The following RAB22A variants were observed in gnomAD, a reference collection of about 807,000 sequenced individuals.
RAB22A encodes the protein ras-related protein Rab-22A.
RAB22A carries 13 observed loss-of-function variants against 30.2 expected under a neutral mutation model. That is an observed-to-expected ratio of 0.43 (90% CI 0.28 to 0.68). RAB22A has a LOEUF of 0.68. Among genes scored for constraint, RAB22A ranks in the 30% least tolerant of loss-of-function variants. The probability of loss-of-function intolerance (pLI) is 0.18; values close to 1 mark genes in which losing one functional copy is unlikely to be tolerated. For missense variants in RAB22A, 177 were observed against 246.8 expected (o/e 0.72, Z 1.89); for synonymous variants, 89 against 87.2 (o/e 1.02, Z -0.11).
intron 2 of RAB22A, among the ~76,000 whole-genome samples, chr20:58,316,313 G>A (rs998864100): frequency 2.0e-5 from 3 of 151,972 alleles, no homozygotes; most frequent in African/African-American, 4.8e-5. Flanking sequence ...ACTTTGCTTC[G>A]GTCTCCTTCG....
chr20:58,349,173 A>G (rs889657208), intron 3 of RAB22A, among the ~76,000 whole-genome samples: 3 of 152,200 alleles, frequency 2.0e-5, no homozygotes, highest in African/African-American at 7.2e-5. Context: ...TAAAAATTAT[A>G]TATAAACTCC....
chr20:58,340,939 G>A (rs1235925618), intron 2 of RAB22A, among the ~76,000 whole-genome samples: 4 of 152,076 alleles, frequency 2.6e-5, no homozygotes, highest in Admixed American at 1.3e-4. Context: ...GTGGACACAG[G>A]GACAATTGAA....
At chr20:58,343,139 A>C (rs1986884993) in intron 2 of RAB22A, among the ~76,000 whole-genome samples, 1 of 152,152 alleles carries the variant, frequency 6.6e-6, no homozygotes. Flanking sequence ...TTTGTCGATG[A>C]AATGCAGGTG....
At chr20:58,342,036 A>C (rs1986863007) in intron 2 of RAB22A, among the ~76,000 whole-genome samples, 1 of 152,234 alleles carries the variant, frequency 6.6e-6, no homozygotes, top group African/African-American at 2.4e-5. Context: ...TAATAATAAT[A>C]ATACCTTGTA....
At chr20:58,334,901 TA>T (rs1357970032) in intron 2 of RAB22A, among the ~76,000 whole-genome samples, 1 of 152,200 alleles carries the variant, frequency 6.6e-6, no homozygotes, top group Non-Finnish European at 1.5e-5. Context: ...AAATTTCTAA[TA>T]AAAGTATAAA....
At chr20:58,320,164 T>A (rs947578296) in intron 2 of RAB22A, among the ~76,000 whole-genome samples, 3 of 152,194 alleles carry the variant, frequency 2.0e-5, no homozygotes, top group Non-Finnish European at 4.4e-5. Flanking sequence ...TGTGTAGAAT[T>A]GGTATTACGT....
intron 2 of RAB22A, among the ~76,000 whole-genome samples, chr20:58,333,878 G>A (rs372161752): frequency 1.3e-5 from 2 of 152,134 alleles, no homozygotes; most frequent in Non-Finnish European, 2.9e-5. Context: ...GTGGCATAGC[G>A]AGACCCTGTC....
intron 2 of RAB22A, among the ~76,000 whole-genome samples, chr20:58,340,506 C>T (rs1262584548): frequency 6.6e-6 from 1 of 152,106 alleles, no homozygotes; most frequent in Non-Finnish European, 1.5e-5. Context: ...GGCCAAGACA[C>T]CCTAGATCTG....
rs58198236 is a variant in RAB22A, at chr20:58,312,472, CTTTTTTTTTT to C, written c.116+1375_116+1384del. ...GCACCATGTTACTCCGGCTGGTTTT[CTTTTTTTTTT>C]TTTTTTTTTTTTTTTTTTTTTTTTG... On this transcript the variant is annotated intron_variant, in intron 2 of 6. Transcript: ENST00000244040. Among the ~76,000 whole-genome samples the C allele has an allele frequency of 2.1e-4, 8 of 38,708 alleles. No homozygotes were observed. The Admixed American group carries it at 2.5e-3, about 12-fold the overall frequency. The allele number at this position is 38,708 out of a possible 152,430, so 25.4% of individuals were successfully genotyped here. A position where few individuals can be genotyped will look rare whatever the true frequency, so the allele number is the denominator to read the frequency against.
chr20:58,354,344 TCTTA>T, intron 6 of RAB22A, 79 bp downstream of exon 6: 1 of 996,852 alleles, frequency 1.0e-6, no homozygotes, highest in Non-Finnish European at 1.5e-6. Flanking sequence ...AGAATTCCTG[TCTTA>T]CTTAGAGCAG....
chr20:58,359,517 T>A, intron 6 of RAB22A, 89 bp from the exon 7 acceptor site: 1 of 640,832 alleles, frequency 1.6e-6, no homozygotes, highest in Admixed American at 3.7e-5. Flanking sequence ...TTTTTTTACT[T>A]CAGTGAAACC....
At chr20:58,349,020 G>A (rs549987671) in intron 3 of RAB22A, among the ~76,000 whole-genome samples, 8 of 152,130 alleles carry the variant, frequency 5.3e-5, no homozygotes, top group Non-Finnish European at 7.4e-5. Flanking sequence ...AAAGTTTGCC[G>A]TCACCTGATC....
chr20:58,346,470 ACT>A (rs1986949980), intron 3 of RAB22A, among the ~76,000 whole-genome samples: 1 of 150,060 alleles, frequency 6.7e-6, no homozygotes, highest in African/African-American at 2.5e-5. Context: ...TCTCACCAAA[ACT>A]CTCTGTTCCC....
At chr20:58,342,031 A>G (rs1054599590) in intron 2 of RAB22A, among the ~76,000 whole-genome samples, 1 of 152,222 alleles carries the variant, frequency 6.6e-6, no homozygotes, top group African/African-American at 2.4e-5. Flanking sequence ...TTAAATAATA[A>G]TAATAATACC....
intron 2 of RAB22A, among the ~76,000 whole-genome samples, chr20:58,325,565 A>G (rs901362275): frequency 4.6e-5 from 7 of 151,978 alleles, no homozygotes; most frequent in African/African-American, 1.7e-4. Flanking sequence ...AGTTCAGAAT[A>G]TTTTCCAGTT....
At position 58,363,486 on chromosome 20, in the gene RAB22A, C is replaced by G. The variant is rs1416409805; in HGVS notation, c.*3783C>G. ...AACTGAGCTATACTTGGTACTTGCT[C>G]TAGAACATTTGGGAAATGACAAACT... is the stretch of plus-strand genomic sequence containing the variant. On this transcript the variant is annotated 3_prime_UTR_variant, in exon 7 of 7. Coordinates refer to ENST00000244040, the MANE Select transcript of RAB22A (RefSeq NM_020673.3). The G allele has an allele frequency of 6.6e-6, 1 of 152,158 alleles. No homozygotes were observed. Among genetic ancestry groups the G allele is most frequent in the Non-Finnish European group, 1.5e-5 (1 of 68,036 alleles). The allele number at this position is 152,158 out of a possible 1,614,324, so 9.4% of individuals were successfully genotyped here. A position where few individuals can be genotyped will look rare whatever the true frequency, so the allele number is the denominator to read the frequency against.
At chr20:58,350,541 C>G (rs189843575) in intron 3 of RAB22A, among the ~76,000 whole-genome samples, 12 of 151,830 alleles carry the variant, frequency 7.9e-5, no homozygotes, top group African/African-American at 2.4e-4. Context: ...TTGAATGCAC[C>G]CAGAAGTAAA....
intron 2 of RAB22A, among the ~76,000 whole-genome samples, chr20:58,338,094 T>A (rs1438794477): frequency 1.3e-5 from 2 of 152,126 alleles, no homozygotes; most frequent in African/African-American, 4.8e-5. Context: ...TGGCGCAATC[T>A]CAGCTCACTG....
intron 2 of RAB22A, among the ~76,000 whole-genome samples, chr20:58,336,153 G>A (rs1372724642): frequency 1.3e-5 from 2 of 152,028 alleles, no homozygotes; most frequent in Non-Finnish European, 2.9e-5. Flanking sequence ...GGAATTATAG[G>A]CGCCCACCAC....
Sources: allele counts gnomAD v4.1 joint callset (sites outside exome capture counted in the v4.1 genomes callset), GRCh38; gene constraint gnomAD v4.1.1; transcripts MANE v1.5; gene names NCBI Gene and HGNC (gene_info 2026-07-23, HGNC 2026-07-21).